The following TMEM108 variants were observed in gnomAD, a reference collection of about 807,000 sequenced individuals.
TMEM108 encodes the protein transmembrane protein 108.
In TMEM108, 12 loss-of-function variants were observed where a neutral mutation model predicts 35.1. The observed-to-expected ratio is 0.34, with a 90% confidence interval of 0.22 to 0.55. The LOEUF (loss-of-function observed/expected upper bound fraction) is 0.55, where lower values mean the gene tolerates loss of function less well. Among genes scored for constraint, TMEM108 ranks in the 20% least tolerant of loss-of-function variants. The probability of loss-of-function intolerance (pLI) is 0.89; values close to 1 mark genes in which losing one functional copy is unlikely to be tolerated. For synonymous variants in TMEM108, 287 were observed against 308.6 expected, an observed-to-expected ratio of 0.93 and a Z score of 0.73; for missense variants, 680 against 753.3, an observed-to-expected ratio of 0.90 and a Z score of 1.14.
chr3:133,074,636 G>A (rs1191643376), intron 2 of TMEM108, among the ~76,000 whole-genome samples: 2 of 152,126 alleles, frequency 1.3e-5, no homozygotes, highest in Non-Finnish European at 2.9e-5. Flanking sequence ...ATTACAGCAT[G>A]TGCTACCACA....
At chr3:133,108,643 T>G (rs888089210) in intron 2 of TMEM108, among the ~76,000 whole-genome samples, 75 of 152,148 alleles carry the variant, frequency 4.9e-4, no homozygotes, top group African/African-American at 1.7e-3. Context: ...ATTTATCAAT[T>G]TTGGCTTTTG....
chr3:133,275,991 G>C (rs1002078505), intron 3 of TMEM108, among the ~76,000 whole-genome samples: 7 of 152,162 alleles, frequency 4.6e-5, no homozygotes, highest in African/African-American at 1.7e-4. Flanking sequence ...AGCCATGGAC[G>C]TGGCATTCTG....
At chr3:133,145,082 T>C (rs1944697908) in intron 2 of TMEM108, among the ~76,000 whole-genome samples, 1 of 152,204 alleles carries the variant, frequency 6.6e-6, no homozygotes, top group African/African-American at 2.4e-5. Context: ...TCTTATAGGG[T>C]TTTTATGGTT....
intron 3 of TMEM108, among the ~76,000 whole-genome samples, chr3:133,256,071 C>T (rs1013298540): frequency 6.6e-6 from 1 of 152,090 alleles, no homozygotes; most frequent in South Asian, 2.1e-4. Context: ...AGAGATAATC[C>T]TAAAAGCAGC....
At chr3:133,090,922 G>C (rs1188500653) in intron 2 of TMEM108, among the ~76,000 whole-genome samples, 2 of 152,034 alleles carry the variant, frequency 1.3e-5, no homozygotes, top group Non-Finnish European at 2.9e-5. Flanking sequence ...ATAGTTATCT[G>C]CTGTTTTTTA....
intron 3 of TMEM108, among the ~76,000 whole-genome samples, chr3:133,347,447 A>G (rs1453309073): frequency 6.6e-6 from 1 of 151,820 alleles, no homozygotes; most frequent in African/African-American, 2.4e-5. Context: ...TTAAATTCCA[A>G]TTGTTCATTG....
intron 3 of TMEM108, among the ~76,000 whole-genome samples, chr3:133,301,951 C>T (rs906230921): frequency 2.0e-5 from 3 of 152,160 alleles, no homozygotes; most frequent in African/African-American, 7.2e-5. Context: ...AAACTCAGCT[C>T]CCTGCCCTTC....
intron 2 of TMEM108, among the ~76,000 whole-genome samples, chr3:133,204,784 TG>T (rs951311202): frequency 1.1e-4 from 16 of 152,218 alleles, no homozygotes; most frequent in Non-Finnish European, 2.9e-5. Flanking sequence ...TCTGTTGATT[TG>T]GGGTGGAGAG....
At chr3:133,281,216 G>A (rs985284585) in intron 3 of TMEM108, among the ~76,000 whole-genome samples, 1 of 152,212 alleles carries the variant, frequency 6.6e-6, no homozygotes, top group African/African-American at 2.4e-5. Flanking sequence ...AAAAAGAGAG[G>A]ATGGGAATCA....
In TMEM108 at chr3:133,380,695, C is replaced by T; in HGVS notation, c.984C>T (p.Gly328=). The change falls in exon 4 of 6, where the codon GGC becomes GGT. Residue 328 remains glycine (G), a synonymous_variant. Transcript: ENST00000321871. The surrounding 1 kb of genome is among the most constrained non-coding windows in gnomAD (Gnocchi z 5.3). ...CCCACCACGGTGACCCACAGGATGG[C>T]CCCAGCCATAGTGACTCTTGGCTTA... ...QRPHHGDPQD[G]PSHSDSWLTV... 1.9e-6 allele frequency: 3 copies of T among 1,614,124 alleles called. No homozygotes were observed. Among genetic ancestry groups the T allele is most frequent in the African/African-American group, 1.3e-5 (1 of 75,062 alleles).
At chr3:133,137,921 T>C (rs544232314) in intron 2 of TMEM108, among the ~76,000 whole-genome samples, 16 of 152,276 alleles carry the variant, frequency 1.1e-4, no homozygotes, top group African/African-American at 3.8e-4. Context: ...TTCTGTCGTC[T>C]CCAAGAGAAC....
chr3:133,361,571 G>C (rs2072350627), intron 3 of TMEM108, among the ~76,000 whole-genome samples: 1 of 152,174 alleles, frequency 6.6e-6, no homozygotes, highest in South Asian at 2.1e-4. Flanking sequence ...GCTTGTCTCG[G>C]CTTCCGTTGG....
intron 2 of TMEM108, among the ~76,000 whole-genome samples, chr3:133,052,895 CT>C (rs1415649806): frequency 3.9e-5 from 6 of 152,210 alleles, no homozygotes; most frequent in African/African-American, 1.4e-4. Flanking sequence ...TCCAAATACC[CT>C]CTGATTGAGA....
In TMEM108 at chr3:133,131,824, A is replaced by C. The variant is rs770156250; in HGVS notation, c.-47+85804A>C. Among the ~76,000 whole-genome samples the C allele has an allele frequency of 2.6e-5, 4 of 152,162 alleles. No homozygotes were observed. The South Asian group carries it at 8.3e-4, about 32-fold the overall frequency. ...AAAAGTCCTACTCCAGTTAACACACAAATGATAAGAAAGCAAAACAGCCTT... is the reference window on the plus strand; with the variant it reads ...AAAAGTCCTACTCCAGTTAACACACCAATGATAAGAAAGCAAAACAGCCTT... On this transcript the variant is annotated intron_variant, in intron 2 of 5. Transcript: ENST00000321871.
chr3:133,196,901 C>T (rs1428948632), intron 2 of TMEM108, among the ~76,000 whole-genome samples: 4 of 152,262 alleles, frequency 2.6e-5, no homozygotes, highest in East Asian at 1.9e-4. Flanking sequence ...TCTCGTTTCT[C>T]GTTAGCCAGA....
At chr3:133,088,378 T>A (rs1943908882) in intron 2 of TMEM108, among the ~76,000 whole-genome samples, 1 of 152,148 alleles carries the variant, frequency 6.6e-6, no homozygotes, top group Non-Finnish European at 1.5e-5. Context: ...GCAAAGCTAA[T>A]ACACAGGGTG....
chr3:133,139,756 A>G (rs745712261), intron 2 of TMEM108, among the ~76,000 whole-genome samples: 2 of 152,168 alleles, frequency 1.3e-5, no homozygotes, highest in Non-Finnish European at 2.9e-5. Context: ...GCTCGTTCCA[A>G]CCAGTATCAA....
In TMEM108 at chr3:133,129,365, AAAAT is replaced by A. The variant is rs1356272495; in HGVS notation, c.-47+83349_-47+83352del. 4.4e-4 allele frequency among the ~76,000 whole-genome samples: 65 copies of A among 147,064 alleles called. 1 individual carries two copies. The highest frequency in any genetic ancestry group is 2.2e-4 in the East Asian group (1 of 4,532). On this transcript the variant is annotated intron_variant, in intron 2 of 5. Transcript: ENST00000321871. Reference sequence around the variant, plus strand: ...GCACCCACACCCCCCCCCCCAAAAAAAAATAAACGAAACACTAAATTAGTTCTTT... The same window carrying A: ...GCACCCACACCCCCCCCCCCAAAAAAAAACGAAACACTAAATTAGTTCTTT...
chr3:133,095,369 C>T (rs1943999719), intron 2 of TMEM108, among the ~76,000 whole-genome samples: 1 of 152,110 alleles, frequency 6.6e-6, no homozygotes, highest in Admixed American at 6.6e-5. Flanking sequence ...GTACAGCAAG[C>T]CCCAGCCTTT....
Sources: allele counts gnomAD v4.1 joint callset (sites outside exome capture counted in the v4.1 genomes callset), GRCh38; gene constraint gnomAD v4.1.1; non-coding constraint Gnocchi (gnomAD v3.1); transcripts MANE v1.5; gene names NCBI Gene and HGNC (gene_info 2026-07-23, HGNC 2026-07-21).